The following PHACTR2 variants were observed in gnomAD, a reference collection of about 807,000 sequenced individuals.
PHACTR2 encodes chromosome 6 open reading frame 56.
Under a neutral mutation model 76.0 loss-of-function variants are expected in PHACTR2, and 30 were observed. The observed-to-expected ratio is 0.39, with a 90% CI of 0.30 to 0.54. The LOEUF is 0.54. PHACTR2 is among the 20% of genes least tolerant of loss of function. PHACTR2 has a pLI of 0.61. For missense variants in PHACTR2, 696 were observed against 781.1 expected (o/e 0.89, Z 1.30); for synonymous variants, 292 against 292.5 (o/e 1.00, Z 0.02).
upstream of PHACTR2, among the ~76,000 whole-genome samples, chr6:143,674,228 CTTTT>C (rs1434742916): frequency 2.0e-5 from 3 of 151,932 alleles, no homozygotes; most frequent in African/African-American, 7.3e-5. The surrounding 1 kb of genome is among the most constrained non-coding windows in gnomAD (Gnocchi z 4.9). Context: ...CTCCCATTTG[CTTTT>C]TATATTTTTC....
chr6:143,702,316 C>A (rs149823630), intron 1 of PHACTR2, among the ~76,000 whole-genome samples: 2,669 of 152,068 alleles, frequency 0.018, 56 homozygotes, highest in African/African-American at 0.061. Flanking sequence ...ACCATGTTGG[C>A]CGGGATGGTC....
In PHACTR2 at chr6:143,698,788, C is replaced by A. The variant is rs1777831478; in HGVS notation, c.47-13228C>A. ...TTTTTGCTTACCATTGTAGCCCTTC[C>A]TCTATAATAGCTGCTCAGTTAATTG... On this transcript the variant is annotated intron_variant, in intron 1 of 12. Transcript: ENST00000440869. The surrounding 1 kb of genome is among the most constrained non-coding windows in gnomAD (Gnocchi z 4.3). Among the ~76,000 whole-genome samples, 1 of 152,226 alleles carries A rather than the reference C, an allele frequency of 6.6e-6. No homozygotes were observed. The highest frequency in any genetic ancestry group is 1.5e-5 in the Non-Finnish European group (1 of 68,036).
rs547091741 is a variant in PHACTR2 at position 143,826,021 on chromosome 6, A to G, written c.*2332A>G. 1 of 152,248 alleles carries G rather than the reference A, an allele frequency of 6.6e-6. No individual in the cohort carries two copies. Among genetic ancestry groups the G allele is most frequent in the South Asian group, 2.1e-4 (1 of 4,818 alleles). 9.4% of individuals were successfully genotyped at this position (152,248 alleles called of 1,614,324 possible). A position where few individuals can be genotyped will look rare whatever the true frequency, so the allele number is the denominator to read the frequency against. On this transcript the variant is annotated 3_prime_UTR_variant, in exon 13 of 13. Coordinates refer to ENST00000440869, the MANE Select transcript of PHACTR2 (RefSeq NM_001100164.2). Reference sequence around the variant, plus strand: ...TCTTTACACTAATCGATACATTTAGAAAAAATTTTCTAAGTTAGAGACAAG... The same window carrying G: ...TCTTTACACTAATCGATACATTTAGGAAAAATTTTCTAAGTTAGAGACAAG...
At chr6:143,726,682 G>A (rs1039012123) in intron 2 of PHACTR2, among the ~76,000 whole-genome samples, 4 of 152,094 alleles carry the variant, frequency 2.6e-5, no homozygotes, top group African/African-American at 9.7e-5. Flanking sequence ...TCCATCTCTT[G>A]GCTATTGTGG....
upstream of PHACTR2, among the ~76,000 whole-genome samples, chr6:143,676,119 A>G (rs1470692021): frequency 6.6e-6 from 1 of 152,236 alleles, no homozygotes; most frequent in Admixed American, 6.5e-5. The surrounding 1 kb of genome is among the most constrained non-coding windows in gnomAD (Gnocchi z 4.8). Flanking sequence ...ACATGCTTCA[A>G]GGATAATGTA....
chr6:143,650,796 C>T (rs753175310), intron 1 of PHACTR2, among the ~76,000 whole-genome samples: 1 of 152,004 alleles, frequency 6.6e-6, no homozygotes, highest in African/African-American at 2.4e-5. Context: ...ACGAAAACAC[C>T]AAAATCAATT....
chr6:143,723,062 G>C (rs1409838330), intron 2 of PHACTR2, among the ~76,000 whole-genome samples: 1 of 152,178 alleles, frequency 6.6e-6, no homozygotes, highest in Non-Finnish European at 1.5e-5. Context: ...TGTCTTGGCT[G>C]TTGTGAACAG....
intron 1 of PHACTR2, chr6:143,555,036 G>A (rs1198029422): frequency 1.3e-5 from 2 of 152,118 alleles, no homozygotes; most frequent in Non-Finnish European, 1.5e-5. Flanking sequence ...CAGTTTTGAT[G>A]TGTGAAGGTG....
At chr6:143,661,960 A>G (rs6909556) in intron 1 of PHACTR2, among the ~76,000 whole-genome samples, 2,770 of 152,236 alleles carry the variant, frequency 0.018, 84 homozygotes, top group African/African-American at 0.061. Flanking sequence ...TTGGAGGGTG[A>G]TGTGTGGATT....
chr6:143,575,429 T>C (rs912007099), intron 1 of PHACTR2, among the ~76,000 whole-genome samples: 6 of 152,228 alleles, frequency 3.9e-5, no homozygotes, highest in Non-Finnish European at 5.9e-5. Flanking sequence ...TGATCTGTCC[T>C]TTATATTCTT....
rs1178465820 is a variant in PHACTR2 at position 143,722,416 on chromosome 6, T to C, written c.214+10233T>C. Reference sequence around the variant, plus strand: ...TTCTCTCTTGAATTCAACTTTAAGATTCTCTTCAATAGGCCAATTTGGTGA... The same window carrying C: ...TTCTCTCTTGAATTCAACTTTAAGACTCTCTTCAATAGGCCAATTTGGTGA... On this transcript the variant is annotated intron_variant, in intron 2 of 12. Transcript: ENST00000440869. This position sits in a 1 kb window ranked among gnomAD's most constrained non-coding sequence, Gnocchi z 4.1. 3.3e-5 allele frequency among the ~76,000 whole-genome samples: 5 copies of C among 152,272 alleles called. No homozygotes were observed. The East Asian group carries it at 9.6e-4, about 29-fold the overall frequency.
chr6:143,649,006 G>A (rs1776709801), intron 1 of PHACTR2, among the ~76,000 whole-genome samples: 1 of 88,550 alleles, frequency 1.1e-5, no homozygotes, highest in Admixed American at 1.1e-4. Context: ...GTGTGTCTCT[G>A]TGTGTGTCTG....
At position 143,829,664 on chromosome 6, in the gene PHACTR2, CA is replaced by C. The variant is rs1190296738; in HGVS notation, c.*5979del. 2.0e-5 allele frequency: 3 copies of C among 152,262 alleles called. No individual in the cohort carries two copies. Among genetic ancestry groups the C allele is most frequent in the African/African-American group, 7.2e-5 (3 of 41,542 alleles). The allele number at this position is 152,262 out of a possible 1,614,324, so 9.4% of individuals were successfully genotyped here. A position where few individuals can be genotyped will look rare whatever the true frequency, so the allele number is the denominator to read the frequency against. ...TATTCTCTTTGTCGCTTTTTATCACCAAAACTGAATGGCAAATATGTCTTGA... is the reference window on the plus strand; with the variant it reads ...TATTCTCTTTGTCGCTTTTTATCACCAAACTGAATGGCAAATATGTCTTGA... On this transcript the variant is annotated 3_prime_UTR_variant, in exon 13 of 13. Transcript: ENST00000440869.
chr6:143,693,556 T>A (rs1361666191), intron 1 of PHACTR2, among the ~76,000 whole-genome samples: 1 of 152,200 alleles, frequency 6.6e-6, no homozygotes, highest in Non-Finnish European at 1.5e-5. Context: ...CTGTATTTTT[T>A]AAATAGGCCA....
rs183588778 is a variant in PHACTR2, at chr6:143,743,064, T to C, written c.215-5921T>C. Among the ~76,000 whole-genome samples, 266 of 152,254 alleles carry C rather than the reference T, an allele frequency of 1.7e-3. No homozygotes were observed. Among genetic ancestry groups the C allele is most frequent in the Non-Finnish European group, 3.0e-3 (201 of 68,014 alleles). ...ATGAGGACGCTGAGGCACAGAGAAG[T>C]TGGTTGAAAGTGCTTTTGGAACACA... On this transcript the variant is annotated intron_variant, in intron 2 of 12. Transcript: ENST00000440869. This position sits in a 1 kb window ranked among gnomAD's most constrained non-coding sequence, Gnocchi z 5.0.
chr6:143,689,696 C>CTTTTT lies in PHACTR2; in HGVS notation c.46+11497_46+11501dup, dbSNP rs35628481. 7.2e-6 allele frequency among the ~76,000 whole-genome samples: 1 copy of CTTTTT among 139,466 alleles called. No individual in the cohort carries two copies. The highest frequency in any genetic ancestry group is 2.7e-5 in the African/African-American group (1 of 37,034). 91.5% of individuals were successfully genotyped at this position (139,466 alleles called of 152,430 possible). ...TTCCCATTTTCTCATCTTCTCAAGT[C>CTTTTT]TTTTTTTTTTTTTTGAGATGGAGTG... On this transcript the variant is annotated intron_variant, in intron 1 of 12. Transcript: ENST00000440869. This position sits in a 1 kb window ranked among gnomAD's most constrained non-coding sequence, Gnocchi z 4.4.
upstream of PHACTR2, among the ~76,000 whole-genome samples, chr6:143,607,865 A>G (rs1482830865): frequency 1.3e-5 from 2 of 152,186 alleles, no homozygotes; most frequent in Non-Finnish European, 2.9e-5. Flanking sequence ...CAAGGAAAGG[A>G]TAATGTATTG....
chr6:143,758,311 C>A (rs1562295806), intron 4 of PHACTR2, among the ~76,000 whole-genome samples: 1 of 152,150 alleles, frequency 6.6e-6, no homozygotes, highest in East Asian at 1.9e-4. Context: ...ATTAAGGTGA[C>A]ATGTGTTACA....
intron 2 of PHACTR2, among the ~76,000 whole-genome samples, chr6:143,716,676 G>T (rs948472072): frequency 6.6e-6 from 1 of 152,206 alleles, no homozygotes; most frequent in Non-Finnish European, 1.5e-5. Flanking sequence ...AGGGAATAGA[G>T]CTGATAAGTA....
Sources: gnomAD v4.1 joint callset for allele counts (sites outside exome capture counted in the v4.1 genomes callset) on GRCh38, gnomAD v4.1.1 for gene constraint, Gnocchi (gnomAD v3.1) non-coding constraint, MANE v1.5 for transcripts, NCBI Gene and HGNC (gene_info 2026-07-23, HGNC 2026-07-21) for gene names.